ZNF676: variants seen among roughly 807,000 people sequenced by gnomAD.
ZNF676 encodes zinc finger protein 676.
A neutral mutation model predicts 6.0 loss-of-function variants in ZNF676; 4 were observed. The ratio of observed to expected loss-of-function variants is 0.67; its 90% CI spans 0.33 to 1.53. The LOEUF is 1.53. Among genes scored for constraint, ZNF676 ranks in the 40% most tolerant of loss-of-function variants. The pLI, the probability that ZNF676 is intolerant of heterozygous loss-of-function variation, is 0.06. For synonymous variants in ZNF676, 198 were observed against 223.1 expected (o/e 0.89, Z 1.00); for missense variants, 644 against 679.7 (o/e 0.95, Z 0.58).
the ZNF676 span, among the ~76,000 whole-genome samples, chr19:22,256,641 C>G: frequency 6.6e-6 from 1 of 152,042 alleles, no homozygotes; most frequent in East Asian, 1.9e-4. Flanking sequence ...TGCCTCCTAT[C>G]CCCTATGTGT....
chr19:22,199,914 G>C (rs2024007131), upstream of ZNF676, among the ~76,000 whole-genome samples: 3 of 152,076 alleles, frequency 2.0e-5, no homozygotes, highest in Non-Finnish European at 4.4e-5. Flanking sequence ...TTAAGTCTCA[G>C]AAAATGTTGA....
the ZNF676 span, among the ~76,000 whole-genome samples, chr19:22,223,071 C>G: frequency 6.6e-6 from 1 of 151,908 alleles, no homozygotes; most frequent in Non-Finnish European, 1.5e-5. Context: ...TTCCTCCAGG[C>G]CTCTGGAAGG....
In ZNF676 at chr19:22,194,743, G is replaced by C. The variant is rs1053523901; in HGVS notation, c.35-1632C>G. Among the ~76,000 whole-genome samples the C allele has an allele frequency of 3.3e-5, 5 of 152,062 alleles. No individual in the cohort carries two copies. The East Asian group carries it at 9.8e-4, about 30-fold the overall frequency. On this transcript the variant is annotated intron_variant, in intron 1 of 2. Coordinates refer to ENST00000397121, the MANE Select transcript of ZNF676 (RefSeq NM_001001411.3). ...ACACCCCCGCTAGGAAACAAGAAGG[G>C]GCCCTGGACCCAGTCCCCTCAAACA...
chr19:22,197,609 G>A (rs1450850556), upstream of ZNF676, among the ~76,000 whole-genome samples: 2 of 151,966 alleles, frequency 1.3e-5, no homozygotes, highest in Non-Finnish European at 2.9e-5. Context: ...TGTTTTTCTG[G>A]TTTGTAAACA....
the ZNF676 span, among the ~76,000 whole-genome samples, chr19:22,259,130 G>A: frequency 7.0e-3 from 1,068 of 152,222 alleles, 1 homozygote; most frequent in African/African-American, 0.023. Flanking sequence ...CAGGTAACAG[G>A]TAGGAGAGAA....
At chr19:22,242,753 A>C in the ZNF676 span, among the ~76,000 whole-genome samples, 445 of 151,780 alleles carry the variant, frequency 2.9e-3, 15 homozygotes, top group African/African-American at 0.011. Context: ...AAGCCCAGAG[A>C]TGTTTCTGAT....
chr19:22,259,360 G>A, the ZNF676 span, among the ~76,000 whole-genome samples: 5 of 152,296 alleles, frequency 3.3e-5, no homozygotes, highest in Non-Finnish European at 2.9e-5. Context: ...GGCATCAGAT[G>A]AGAGTCACAT....
the ZNF676 span, among the ~76,000 whole-genome samples, chr19:22,234,428 T>G: frequency 6.6e-6 from 1 of 152,106 alleles, no homozygotes; most frequent in South Asian, 2.1e-4. Context: ...ATATACCACA[T>G]CCATTTGATG....
intron 1 of ZNF676, among the ~76,000 whole-genome samples, chr19:22,211,756 G>C (rs767476876): frequency 6.6e-6 from 1 of 152,060 alleles, no homozygotes; most frequent in Non-Finnish European, 1.5e-5. Context: ...ATGTTTTCAC[G>C]AATCTATGTA....
chr19:22,236,002 T>G, the ZNF676 span, among the ~76,000 whole-genome samples: 16 of 151,080 alleles, frequency 1.1e-4, no homozygotes, highest in African/African-American at 3.9e-4. Context: ...GATAATCCAC[T>G]GTCATTCTCC....
At position 22,181,065 on chromosome 19, in the gene ZNF676, T is replaced by C. The variant is rs776596666; in HGVS notation, c.652A>G (p.Ile218Val). 3 of 1,574,022 alleles carry C rather than the reference T, an allele frequency of 1.9e-6. No homozygotes were observed. In the Admixed American group the frequency reaches 5.1e-5, roughly 27 times the overall value. The change falls in exon 3 of 3, where the codon ATT (isoleucine) becomes GTT (valine). Residue 218 changes from isoleucine to valine, a missense_variant. This residue lies in a region of ZNF676 where 280 missense variants were observed against 269.3 expected (regional missense o/e 1.04). Transcript: ENST00000397121. ...TTGTAGGGTTTCTCTCCAGTATGAA[T>C]TACCTTATGTTTAGTAAGGATTGAG... ...KFSILTKHKV[I>V]HTGEKPYKCE...
chr19:22,247,802 G>A, the ZNF676 span, among the ~76,000 whole-genome samples: 1 of 152,094 alleles, frequency 6.6e-6, no homozygotes. Context: ...TGCGTGACAC[G>A]ATTAGGCATG....
upstream of ZNF676, among the ~76,000 whole-genome samples, chr19:22,198,713 A>C (rs190710154): frequency 3.3e-5 from 5 of 152,316 alleles, no homozygotes; most frequent in African/African-American, 1.2e-4. Flanking sequence ...CCTTTATAGC[A>C]GAAGAGATGA....
chr19:22,252,054 C>T, the ZNF676 span, among the ~76,000 whole-genome samples: 1 of 152,134 alleles, frequency 6.6e-6, no homozygotes, highest in Non-Finnish European at 1.5e-5. Flanking sequence ...CAGATATCAA[C>T]ATTTGTTAAG....
chr19:22,181,633 A>T, intron 2 of ZNF676, 47 bp from the exon 3 acceptor site: 4 of 1,393,186 alleles, frequency 2.9e-6, no homozygotes, highest in Non-Finnish European at 3.8e-6. Flanking sequence ...TTAGACTCAG[A>T]TAAGTACAGT....
the ZNF676 span, among the ~76,000 whole-genome samples, chr19:22,242,682 A>C: frequency 2.0e-5 from 3 of 151,960 alleles, no homozygotes; most frequent in African/African-American, 7.3e-5. Context: ...GGGTCTAGCT[A>C]TGTGTCAAAA....
At chr19:22,251,124 T>A in the ZNF676 span, among the ~76,000 whole-genome samples, 1 of 152,240 alleles carries the variant, frequency 6.6e-6, no homozygotes, top group Non-Finnish European at 1.5e-5. Context: ...TGGCTGGGCT[T>A]GGCTTTTAAA....
At chr19:22,198,387 A>G (rs1042905734), upstream of ZNF676, among the ~76,000 whole-genome samples, 94 of 152,340 alleles carry the variant, frequency 6.2e-4, no homozygotes, top group African/African-American at 2.1e-3. Context: ...TTTTTAAAGC[A>G]GTTAAGACAA....
intron 1 of ZNF676, among the ~76,000 whole-genome samples, chr19:22,210,614 T>C (rs2024118949): frequency 6.6e-6 from 1 of 152,308 alleles, no homozygotes; most frequent in Non-Finnish European, 1.5e-5. Context: ...ATCCTCTGTG[T>C]TCTCCAGGAA....
Sources: gnomAD v4.1 joint callset for allele counts (sites outside exome capture counted in the v4.1 genomes callset) on GRCh38, gnomAD v4.1.1 for gene constraint, gnomAD v4.1.1 regional missense constraint, MANE v1.5 for transcripts, NCBI Gene and HGNC (gene_info 2026-07-23, HGNC 2026-07-21) for gene names.